The following CTNNA2 variants were observed in gnomAD, a reference collection of about 807,000 sequenced individuals.
The protein encoded by CTNNA2 is catenin alpha-2.
Under a neutral mutation model 101.0 loss-of-function variants are expected in CTNNA2, and 42 were observed. The ratio of observed to expected loss-of-function variants is 0.42; its 90% CI spans 0.32 to 0.54. The LOEUF (loss-of-function observed/expected upper bound fraction) is 0.54, where lower values mean the gene tolerates loss of function less well. CTNNA2 is among the 20% of genes least tolerant of loss of function. The pLI is 0.14. For missense variants in CTNNA2, 871 were observed against 1,223.1 expected (o/e 0.71, Z 4.29); for synonymous variants, 450 against 456.4 (o/e 0.99, Z 0.18).
intron 1 of CTNNA2, among the ~76,000 whole-genome samples, chr2:79,598,699 G>C (rs926916116): frequency 6.6e-6 from 1 of 152,064 alleles, no homozygotes; most frequent in African/African-American, 2.4e-5. Flanking sequence ...GGATATTTTG[G>C]ATAACAGTTC....
At chr2:79,819,826 A>G (rs1194510640) in intron 3 of CTNNA2, among the ~76,000 whole-genome samples, 2 of 152,164 alleles carry the variant, frequency 1.3e-5, no homozygotes, top group African/African-American at 2.4e-5. Flanking sequence ...ACACAAGGAA[A>G]TGATACCACA....
At chr2:79,611,458 G>A (rs1213667416) in intron 1 of CTNNA2, among the ~76,000 whole-genome samples, 1 of 152,122 alleles carries the variant, frequency 6.6e-6, no homozygotes, top group Non-Finnish European at 1.5e-5. Flanking sequence ...CCTTCAAGGG[G>A]TCTCTCGACT....
At chr2:80,355,240 CT>C (rs1301917993) in intron 7 of CTNNA2, among the ~76,000 whole-genome samples, 1 of 152,248 alleles carries the variant, frequency 6.6e-6, no homozygotes, top group Non-Finnish European at 1.5e-5. Flanking sequence ...AAAATGTTGA[CT>C]TTACAGACTC....
chr2:79,250,994 T>C (rs2104271673), intron 2 of CTNNA2, among the ~76,000 whole-genome samples: 2 of 152,270 alleles, frequency 1.3e-5, no homozygotes, highest in Non-Finnish European at 2.9e-5. Context: ...AAAAAAATGA[T>C]TTACTCTGAG....
chr2:79,558,215 A>G (rs1322438414), intron 1 of CTNNA2, among the ~76,000 whole-genome samples: 1 of 151,962 alleles, frequency 6.6e-6, no homozygotes, highest in Non-Finnish European at 1.5e-5. Flanking sequence ...TTAAGTCAAC[A>G]CTGAACATGA....
At chr2:79,579,584 T>G (rs1355951429) in intron 1 of CTNNA2, among the ~76,000 whole-genome samples, 1 of 152,126 alleles carries the variant, frequency 6.6e-6, no homozygotes, top group African/African-American at 2.4e-5. Flanking sequence ...CTCCAAATCT[T>G]TGGTTGCTCT....
intron 9 of CTNNA2, among the ~76,000 whole-genome samples, chr2:80,535,138 C>T (rs755105124): frequency 4.6e-5 from 7 of 152,148 alleles, no homozygotes; most frequent in Non-Finnish European, 7.3e-5. Context: ...GAGCTCCCTT[C>T]GGTTTTTATC....
intron 7 of CTNNA2, among the ~76,000 whole-genome samples, chr2:79,951,155 T>G (rs1449080530): frequency 6.6e-6 from 1 of 152,206 alleles, no homozygotes; most frequent in Non-Finnish European, 1.5e-5. Flanking sequence ...CTAACTATAA[T>G]TTCACAAACA....
intron 18 of CTNNA2, among the ~76,000 whole-genome samples, chr2:80,632,062 T>C (rs1364693266): frequency 6.6e-6 from 1 of 152,130 alleles, no homozygotes; most frequent in East Asian, 1.9e-4. Flanking sequence ...GATAAATAAT[T>C]GATGTTCAGG....
At chr2:79,826,533 A>T (rs1678451162) in intron 3 of CTNNA2, among the ~76,000 whole-genome samples, 1 of 152,238 alleles carries the variant, frequency 6.6e-6, no homozygotes, top group Non-Finnish European at 1.5e-5. Flanking sequence ...CTCCTGGAGC[A>T]ACTGCAGCCA....
intron 7 of CTNNA2, among the ~76,000 whole-genome samples, chr2:80,056,413 G>A (rs947842132): frequency 1.3e-5 from 2 of 152,132 alleles, no homozygotes; most frequent in Non-Finnish European, 2.9e-5. Context: ...GATAAGCAAG[G>A]AGACAATGAA....
intron 4 of CTNNA2, among the ~76,000 whole-genome samples, chr2:79,504,451 G>A (rs751291002): frequency 1.6e-4 from 24 of 151,948 alleles, no homozygotes; most frequent in Non-Finnish European, 3.4e-4. Context: ...TACCACACAC[G>A]GTTAATTTTT....
intron 9 of CTNNA2, among the ~76,000 whole-genome samples, chr2:80,499,214 G>C (rs948272744): frequency 6.6e-6 from 1 of 152,140 alleles, no homozygotes; most frequent in African/African-American, 2.4e-5. Flanking sequence ...TTCTCAAACT[G>C]TTATATAAAC....
intron 7 of CTNNA2, among the ~76,000 whole-genome samples, chr2:80,253,636 T>C (rs1671929064): frequency 1.3e-5 from 2 of 152,320 alleles, no homozygotes; most frequent in South Asian, 4.1e-4. Context: ...ACCTTTCTTT[T>C]TTTGCAAACT....
chr2:80,019,213 C>T (rs752129279), intron 7 of CTNNA2, among the ~76,000 whole-genome samples: 1 of 152,070 alleles, frequency 6.6e-6, no homozygotes, highest in Non-Finnish European at 1.5e-5. Flanking sequence ...GTCCTGGAAC[C>T]AATACCCCAT....
intron 7 of CTNNA2, among the ~76,000 whole-genome samples, chr2:80,075,035 C>A (rs919801604): frequency 5.9e-5 from 9 of 152,132 alleles, no homozygotes; most frequent in Admixed American, 1.3e-4. Flanking sequence ...CATATCCCTT[C>A]CCTTACTGTT....
chr2:80,443,071 C>T (rs1311571064), intron 9 of CTNNA2, among the ~76,000 whole-genome samples: 3 of 152,134 alleles, frequency 2.0e-5, no homozygotes, highest in African/African-American at 4.8e-5. Context: ...AATTTGTAGG[C>T]CTGAGGTATT....
intron 12 of CTNNA2, among the ~76,000 whole-genome samples, chr2:80,565,600 G>C (rs200158123): frequency 6.6e-6 from 1 of 151,272 alleles, no homozygotes. Flanking sequence ...TTGCCTGGTA[G>C]AAACAGTGTG....
intron 9 of CTNNA2, among the ~76,000 whole-genome samples, chr2:80,458,523 G>A (rs148670976): frequency 1.3e-5 from 2 of 152,280 alleles, no homozygotes; most frequent in East Asian, 1.9e-4. Flanking sequence ...TGTTTGGCTG[G>A]TTGGAAATAC....
Sources: gnomAD v4.1 joint callset for allele counts (sites outside exome capture counted in the v4.1 genomes callset) on GRCh38, gnomAD v4.1.1 for gene constraint, MANE v1.5 for transcripts, NCBI Gene and HGNC (gene_info 2026-07-23, HGNC 2026-07-21) for gene names.